ARHGEF3: variants seen among roughly 807,000 people sequenced by gnomAD.
ARHGEF3 encodes Rho guanine nucleotide exchange factor 3.
In ARHGEF3, 28 loss-of-function variants were observed where a neutral mutation model predicts 63.2. The ratio of observed to expected loss-of-function variants is 0.44; its 90% CI spans 0.33 to 0.61. The LOEUF (loss-of-function observed/expected upper bound fraction) is 0.61. Ranked by LOEUF, ARHGEF3 falls within the 20% of genes least tolerant of loss-of-function variation. ARHGEF3 has a pLI of 0.03. For synonymous variants in ARHGEF3, 266 were observed against 254.2 expected (o/e 1.05, Z -0.44); for missense variants, 533 against 659.3 (o/e 0.81, Z 2.10).
At chr3:56,997,182 C>G (rs374942040) in intron 2 of ARHGEF3, among the ~76,000 whole-genome samples, 160 of 152,192 alleles carry the variant, frequency 1.1e-3, no homozygotes, top group African/African-American at 3.7e-3. Context: ...GCAGCTCAGC[C>G]TCTGATGACC....
chr3:56,888,344 A>G (rs1458305643), intron 3 of ARHGEF3, among the ~76,000 whole-genome samples: 1 of 152,148 alleles, frequency 6.6e-6, no homozygotes, highest in Non-Finnish European at 1.5e-5. Flanking sequence ...AGAGCAAGTA[A>G]TCCAAGATTG....
intron 2 of ARHGEF3, among the ~76,000 whole-genome samples, chr3:56,961,656 C>G (rs965852843): frequency 1.3e-5 from 2 of 152,120 alleles, no homozygotes; most frequent in Non-Finnish European, 2.9e-5. Flanking sequence ...GGAGACCTAC[C>G]GAGAGAAGGG....
At chr3:56,867,624 C>T (rs2040297431) in intron 4 of ARHGEF3, among the ~76,000 whole-genome samples, 1 of 152,088 alleles carries the variant, frequency 6.6e-6, no homozygotes, top group Non-Finnish European at 1.5e-5. Context: ...AGGCACACCA[C>T]CATGCCTGGA....
intron 3 of ARHGEF3, chr3:56,916,461 T>C: frequency 7.0e-7 from 1 of 1,418,920 alleles, no homozygotes; most frequent in Non-Finnish European, 9.2e-7. Context: ...TCCCCGCCAC[T>C]TGGGCTGCAT....
intron 2 of ARHGEF3, among the ~76,000 whole-genome samples, chr3:57,017,773 G>A (rs183070795): frequency 3.3e-5 from 5 of 152,344 alleles, no homozygotes; most frequent in African/African-American, 4.8e-5. Context: ...GGACCCAGGA[G>A]AGTGGCCCAT....
intron 8 of ARHGEF3, among the ~76,000 whole-genome samples, chr3:56,736,519 A>C (rs2033636214): frequency 6.6e-6 from 1 of 152,252 alleles, no homozygotes; most frequent in African/African-American, 2.4e-5. Flanking sequence ...AGTTAAATGC[A>C]TTCAACTGAA....
chr3:56,880,896 A>C (rs1002279425), intron 4 of ARHGEF3, among the ~76,000 whole-genome samples: 5 of 152,230 alleles, frequency 3.3e-5, no homozygotes, highest in Non-Finnish European at 7.3e-5. Flanking sequence ...CAACTCCATC[A>C]ATCTGAGGGT....
chr3:56,932,352 C>T (rs974437054), intron 3 of ARHGEF3, among the ~76,000 whole-genome samples: 2 of 152,078 alleles, frequency 1.3e-5, no homozygotes, highest in Non-Finnish European at 2.9e-5. Flanking sequence ...AATATTTCAG[C>T]GTATTTTCTT....
rs368168345 is a variant in ARHGEF3 at position 56,954,151 on chromosome 3, G to T, written c.129+4672C>A. Among the ~76,000 whole-genome samples, 10 of 152,110 alleles carry T rather than the reference G, an allele frequency of 6.6e-5. No homozygotes were observed. In the East Asian group the frequency reaches 1.9e-3, roughly 29 times the overall value. Reference sequence around the variant, plus strand: ...AAGACAAAAAGGGCTCTGAAATTTGGTCTGTATTTAATTAAAACCTCAGTT... The same window carrying T: ...AAGACAAAAAGGGCTCTGAAATTTGTTCTGTATTTAATTAAAACCTCAGTT... On this transcript the variant is annotated intron_variant, in intron 3 of 12. Coordinates refer to the ARHGEF3 transcript ENST00000338458.
chr3:56,878,131 G>C (rs2040650930), intron 4 of ARHGEF3, among the ~76,000 whole-genome samples: 1 of 152,188 alleles, frequency 6.6e-6, no homozygotes, highest in Non-Finnish European at 1.5e-5. Flanking sequence ...AAGAAAGAAT[G>C]TCTGGTGCTG....
chr3:56,960,703 C>T (rs186746017), intron 2 of ARHGEF3: 1 of 152,350 alleles, frequency 6.6e-6, no homozygotes, highest in Admixed American at 6.5e-5. Flanking sequence ...CCTCAACCTC[C>T]TCTTCACCCA....
chr3:56,786,475 C>A (rs564728490), intron 1 of ARHGEF3, among the ~76,000 whole-genome samples: 4 of 152,264 alleles, frequency 2.6e-5, no homozygotes, highest in African/African-American at 9.6e-5. Context: ...CATGTGTGCA[C>A]AACACAAAAC....
At chr3:56,897,189 T>A (rs2041331655) in intron 3 of ARHGEF3, among the ~76,000 whole-genome samples, 1 of 152,232 alleles carries the variant, frequency 6.6e-6, no homozygotes, top group Non-Finnish European at 1.5e-5. Context: ...TCCGTTACTA[T>A]CATTTTTCAT....
intron 3 of ARHGEF3, among the ~76,000 whole-genome samples, chr3:56,930,471 C>T (rs989546049): frequency 3.3e-5 from 5 of 152,142 alleles, no homozygotes; most frequent in Admixed American, 2.6e-4. Context: ...AGAAAGCAAA[C>T]TTCGTGTTTC....
Position 56,729,316 on chromosome 3 carries a change from G to C in ARHGEF3, c.1535C>G (p.Thr512Arg). 2 of 1,614,118 alleles carry C rather than the reference G, an allele frequency of 1.2e-6. No homozygotes were observed. Among genetic ancestry groups the C allele is most frequent in the East Asian group, 4.5e-5 (2 of 44,880 alleles). ...VSLDCERMEQ[T>R]DSSCGNSRHG... ...CCTGCTGTTTCCACAGGAAGAGTCTGTCTGTTCCATGCGCTCACAGTCGAG... is the reference window on the plus strand; with the variant it reads ...CCTGCTGTTTCCACAGGAAGAGTCTCTCTGTTCCATGCGCTCACAGTCGAG... The change falls in exon 10 of 10, where the codon ACA becomes AGA. Residue 512 changes from threonine to arginine, a missense_variant. This residue lies in a region of ARHGEF3 where 115 missense variants were observed against 103.4 expected (regional missense o/e 1.11). Coordinates refer to ENST00000296315, the MANE Select transcript of ARHGEF3 (RefSeq NM_019555.3).
At chr3:56,771,317 T>C (rs982895439) in intron 2 of ARHGEF3, among the ~76,000 whole-genome samples, 5 of 152,162 alleles carry the variant, frequency 3.3e-5, no homozygotes, top group African/African-American at 1.2e-4. Flanking sequence ...TCCTGCACTG[T>C]TACCTGTGAA....
chr3:56,733,938 C>T (rs1353417221), intron 8 of ARHGEF3, among the ~76,000 whole-genome samples: 1 of 134,062 alleles, frequency 7.5e-6, no homozygotes, highest in Non-Finnish European at 1.5e-5. Flanking sequence ...GAGCTGAGAT[C>T]GGGCCATTGC....
At chr3:56,847,345 C>T (rs1207793021) in intron 4 of ARHGEF3, among the ~76,000 whole-genome samples, 1 of 152,156 alleles carries the variant, frequency 6.6e-6, no homozygotes, top group East Asian at 1.9e-4. Flanking sequence ...CCAAATTCAG[C>T]CTCATCTTAT....
At chr3:56,947,747 G>A (rs879720627) in intron 3 of ARHGEF3, among the ~76,000 whole-genome samples, 8 of 152,148 alleles carry the variant, frequency 5.3e-5, no homozygotes, top group Non-Finnish European at 7.3e-5. Context: ...AGGATATTGA[G>A]GAATTGAACT....
Sources: allele counts gnomAD v4.1 joint callset (sites outside exome capture counted in the v4.1 genomes callset), GRCh38; gene constraint gnomAD v4.1.1; regional missense constraint gnomAD v4.1.1; transcripts MANE v1.5; gene names NCBI Gene and HGNC (gene_info 2026-07-23, HGNC 2026-07-21).